Variants in GTF3C3 observed in about 807,000 individuals in gnomAD.
The protein encoded by GTF3C3 is general transcription factor IIIC subunit 3, also known as general transcription factor 3C polypeptide 3.
Under a neutral mutation model 105.2 loss-of-function variants are expected in GTF3C3, and 75 were observed. That is an observed-to-expected ratio of 0.71 (90% CI 0.59 to 0.86). The LOEUF is 0.86. GTF3C3 is among the 40% of genes least tolerant of loss of function. The probability of loss-of-function intolerance (pLI) is 0.00; values close to 1 mark genes in which losing one functional copy is unlikely to be tolerated. For synonymous variants in GTF3C3, 335 were observed against 370.4 expected (o/e 0.90, Z 1.10); for missense variants, 856 against 1,076.5 (o/e 0.80, Z 2.87).
chr2:196,777,998 T>C (rs1559300204), intron 10 of GTF3C3: 1 of 152,222 alleles, frequency 6.6e-6, no homozygotes, highest in Non-Finnish European at 1.5e-5. Context: ...TTCATATTTA[T>C]TCATCTAAAC....
At chr2:196,785,144 C>G (rs1328990883) in intron 7 of GTF3C3, among the ~76,000 whole-genome samples, 1 of 152,092 alleles carries the variant, frequency 6.6e-6, no homozygotes, top group Non-Finnish European at 1.5e-5. Context: ...TTATATCAAA[C>G]CAACCTACTT....
At position 196,786,049 on chromosome 2, in the gene GTF3C3, A is replaced by G. The variant is rs1699448377; in HGVS notation, c.894-461T>C. ...AAACTCCAAGCCTGGTTAAAATCCA[A>G]CTATATCTACTCTTCACCACCACCT... is the stretch of plus-strand genomic sequence containing the variant. On this transcript the variant is annotated intron_variant, in intron 6 of 17. Transcript: ENST00000263956. This position sits in a 1 kb window ranked among gnomAD's most constrained non-coding sequence, Gnocchi z 4.2. Among the ~76,000 whole-genome samples, 1 of 152,120 alleles carries G rather than the reference A, an allele frequency of 6.6e-6. No individual in the cohort carries two copies. The highest frequency in any genetic ancestry group is 2.4e-5 in the African/African-American group (1 of 41,418).
intron 2 of GTF3C3, among the ~76,000 whole-genome samples, chr2:196,797,052 G>A (rs1359523972): frequency 1.3e-5 from 2 of 152,174 alleles, no homozygotes; most frequent in East Asian, 3.8e-4. Context: ...GAACCAGACT[G>A]TACTTCTAAC....
intron 12 of GTF3C3, 48 bp from the exon 13 acceptor site, chr2:196,775,299 G>T (rs1576021503): frequency 6.5e-7 from 1 of 1,533,422 alleles, no homozygotes; most frequent in Non-Finnish European, 8.8e-7. Context: ...TAACTGTTTT[G>T]TTTAGAGACA....
chr2:196,791,545 T>A, intron 3 of GTF3C3, 85 bp from the exon 4 acceptor site: 2 of 1,201,862 alleles, frequency 1.7e-6, no homozygotes, highest in Non-Finnish European at 2.3e-6. Flanking sequence ...ATATAGCATA[T>A]AATGAAACTG....
Position 196,776,547 on chromosome 2 carries a change from A to G in GTF3C3, c.1473T>C (p.Asp491=), listed in dbSNP as rs1699261673. Residue 491 remains aspartate, a synonymous_variant, in exon 11 of 18, where the codon GAT becomes GAC. Transcript: ENST00000263956. The surrounding 1 kb of genome is among the most constrained non-coding windows in gnomAD (Gnocchi z 4.5). ...KVVDLAPLHL[D]ARISLSTLQQ... Reference sequence around the variant, plus strand: ...GAAGGGTAGAAAGTGAAATCCTTGCATCCAAATGGAGTGGGGCCAGATCAA... The same window carrying G: ...GAAGGGTAGAAAGTGAAATCCTTGCGTCCAAATGGAGTGGGGCCAGATCAA... 1 of 1,614,042 alleles carries G rather than the reference A, an allele frequency of 6.2e-7. No individual in the cohort carries two copies. The highest frequency in any genetic ancestry group is 1.3e-5 in the African/African-American group (1 of 74,920).
chr2:196,785,632 A>G (rs1486811500), intron 6 of GTF3C3, 44 bp from the exon 7 acceptor site: 1 of 1,223,846 alleles, frequency 8.2e-7, no homozygotes, highest in Middle Eastern at 2.3e-4. Flanking sequence ...CTTAATTCCA[A>G]TTATAAAACT....
At chr2:196,783,611 CCTGTGAT>C (rs1391310779) in intron 8 of GTF3C3, among the ~76,000 whole-genome samples, 2 of 152,130 alleles carry the variant, frequency 1.3e-5, no homozygotes, top group Non-Finnish European at 2.9e-5. Flanking sequence ...CCAACCACAG[CCTGTGAT>C]CTGGTCCTGC....
intron 8 of GTF3C3, among the ~76,000 whole-genome samples, chr2:196,782,943 CT>C (rs1443247406): frequency 1.3e-5 from 2 of 152,158 alleles, no homozygotes; most frequent in Admixed American, 1.3e-4. Flanking sequence ...CTTTGTGTCA[CT>C]GATACTTTAT....
chr2:196,787,368 G>A (rs755775866), intron 6 of GTF3C3, among the ~76,000 whole-genome samples: 3 of 152,068 alleles, frequency 2.0e-5, no homozygotes, highest in Non-Finnish European at 2.9e-5. Flanking sequence ...AAATCTTCCA[G>A]TGACTTCCAT....
intron 6 of GTF3C3, among the ~76,000 whole-genome samples, chr2:196,787,060 GC>G (rs1023048439): frequency 1.3e-5 from 2 of 152,044 alleles, no homozygotes; most frequent in African/African-American, 4.8e-5. Context: ...ACATTGAAGT[GC>G]CTTAGGGTTC....
chr2:196,796,770 T>C (rs1699654483), intron 2 of GTF3C3, among the ~76,000 whole-genome samples: 1 of 152,218 alleles, frequency 6.6e-6, no homozygotes, highest in Non-Finnish European at 1.5e-5. Flanking sequence ...CATGCGGTGT[T>C]TGGTCTTCTG....
At chr2:196,778,637 G>C (rs1408356800) in intron 10 of GTF3C3, 2 of 480,598 alleles carry the variant, frequency 4.2e-6, no homozygotes, top group Non-Finnish European at 7.5e-6. Context: ...CTATGGTTAA[G>C]AGAGGTTCAA....
chr2:196,779,081 A>T lies in GTF3C3; in HGVS notation c.1219-14T>A, dbSNP rs756545234. The T allele has an allele frequency of 6.8e-6, 11 of 1,608,604 alleles. No individual in the cohort carries two copies. In the Admixed American group the frequency reaches 1.8e-4, roughly 27 times the overall value. On this transcript the variant is annotated splice_polypyrimidine_tract_variant and intron_variant, in intron 9 of 17. Transcript: ENST00000263956. ...TGTCAAGAGAGGCTAGACCACAAAT[A>T]AAAGCCCCAAGTTAAACATTCATTA... is the stretch of plus-strand genomic sequence containing the variant.
intron 4 of GTF3C3, 135 bp downstream of exon 4, chr2:196,791,201 AG>A (rs1699542689): frequency 1.5e-6 from 1 of 653,924 alleles, no homozygotes; most frequent in East Asian, 2.7e-5. Flanking sequence ...TCTTGTGAAA[AG>A]TGGCAATTAC....
intron 16 of GTF3C3, among the ~76,000 whole-genome samples, chr2:196,768,011 T>C (rs1236280892): frequency 6.6e-6 from 1 of 152,166 alleles, no homozygotes; most frequent in African/African-American, 2.4e-5. Flanking sequence ...GCAAAACAAA[T>C]TCTATTGTTC....
At chr2:196,789,569 ATCT>A (rs1699511650) in intron 5 of GTF3C3, among the ~76,000 whole-genome samples, 200 bp from the exon 6 acceptor site, 1 of 152,158 alleles carries the variant, frequency 6.6e-6, no homozygotes, top group Non-Finnish European at 1.5e-5. Flanking sequence ...CTCAACAGTA[ATCT>A]TCTTAATGTG....
chr2:196,785,582 G>GT lies in GTF3C3; in HGVS notation c.899dup (p.Tyr300Ter), dbSNP rs540668437. The change falls in exon 7 of 18, where the codon TAC (tyrosine) becomes TAAC (stop). Residue 300 changes from tyrosine to a stop codon, truncating the protein, a stop_gained and frameshift_variant. Transcript: ENST00000263956. LOFTEE classifies it high-confidence loss of function. ...MQLARDMAKS[Y>*]YEANDVTSAI... ...CAGAAGTAACATCATTGGCTTCATA[G>GT]TAACTCCTAAAAAAAAGTGGCAAAA... 11 of 1,595,096 alleles carry GT rather than the reference G, an allele frequency of 6.9e-6. No homozygotes were observed. The highest frequency in any genetic ancestry group is 9.4e-6 in the Non-Finnish European group (11 of 1,168,506).
chr2:196,782,524 T>TA (rs2125746246), intron 8 of GTF3C3, among the ~76,000 whole-genome samples: 1 of 152,062 alleles, frequency 6.6e-6, no homozygotes, highest in African/African-American at 2.4e-5. Flanking sequence ...AATCACAAAG[T>TA]AAAACTCAAC....
Sources: allele counts gnomAD v4.1 joint callset (sites outside exome capture counted in the v4.1 genomes callset), GRCh38; gene constraint gnomAD v4.1.1; non-coding constraint Gnocchi (gnomAD v3.1); transcripts MANE v1.5; gene names NCBI Gene and HGNC (gene_info 2026-07-23, HGNC 2026-07-21).